DENND6B: variants seen among roughly 807,000 people sequenced by gnomAD.
DENND6B encodes DENN domain containing 6B, also known as protein DENND6B.
Under a neutral mutation model 85.1 loss-of-function variants are expected in DENND6B, and 73 were observed. That is an observed-to-expected ratio of 0.86 (90% CI 0.71 to 1.04). DENND6B has a LOEUF of 1.04. Ranked by LOEUF, DENND6B falls within the 50% of genes least tolerant of loss-of-function variation. The probability of loss-of-function intolerance (pLI) is 0.00; values close to 1 mark genes in which losing one functional copy is unlikely to be tolerated. For synonymous variants in DENND6B, 357 were observed against 329.3 expected (o/e 1.08, Z -0.91); for missense variants, 715 against 785.8 (o/e 0.91, Z 1.08).
At chr22:50,314,777 C>A in intron 10 of DENND6B, 22 bp downstream of exon 10, 3 of 1,592,466 alleles carry the variant, frequency 1.9e-6, no homozygotes, top group Admixed American at 1.8e-5. Flanking sequence ...CTTCCCCAGC[C>A]GGGACCGGGC....
chr22:50,317,373 T>C lies in DENND6B; in HGVS notation c.373A>G (p.Arg125Gly). Residue 125 changes from arginine to glycine, a missense_variant and splice_region_variant, in exon 5 of 20, where the codon AGG becomes GGG. Physicochemically the swap from Arg to Gly is moderately radical, Grantham distance 125. Transcript: ENST00000413817. ...YNSRAPVALQ[R>G]EPAHYFGYVY... The stretch of plus-strand genomic sequence containing the variant: ...TAGCCGAAGTAGTGTGCCGGCTCCC[T>C]CTGCAAGGAGCATGGTGTTAGCCAG... The C allele has an allele frequency of 6.2e-7, 1 of 1,612,724 alleles. No individual in the cohort carries two copies. Among genetic ancestry groups the C allele is most frequent in the Non-Finnish European group, 8.5e-7 (1 of 1,179,610 alleles).
At chr22:50,320,199 C>T (rs903665744) in intron 1 of DENND6B, among the ~76,000 whole-genome samples, 8 of 152,222 alleles carry the variant, frequency 5.3e-5, no homozygotes, top group Non-Finnish European at 1.0e-4. Context: ...AGTGAGGAGC[C>T]GGGCCCTGGA....
intron 9 of DENND6B, chr22:50,315,186 GC>G: frequency 2.0e-6 from 1 of 492,712 alleles, no homozygotes. Flanking sequence ...TCCCGAAGTG[GC>G]CCCAAAGCCG....
chr22:50,325,541 T>C (rs938356888), intron 1 of DENND6B, among the ~76,000 whole-genome samples: 1 of 152,096 alleles, frequency 6.6e-6, no homozygotes, highest in African/African-American at 2.4e-5. Context: ...TTCACCATGT[T>C]GGCCAGGATG....
rs370513147 is a variant in DENND6B at position 50,314,614 on chromosome 22, G to C, written c.968C>G (p.Thr323Arg). ...CAGAGGCGGCACTTACGGGGCCTGC[G>C]TGCGTGTGGTGAACTCCTTGAACTC... ...DSEFKEFTTR[T>R]QAPPNVVLGV... Residue 323 changes from threonine (T) to arginine (R), a missense_variant, in exon 11 of 20, where the codon ACG becomes AGG. Physicochemically the swap from Thr to Arg is moderately conservative, Grantham distance 71. Coordinates refer to ENST00000413817, the MANE Select transcript of DENND6B (RefSeq NM_001001794.4). The C allele has an allele frequency of 2.6e-6, 4 of 1,562,502 alleles. No individual in the cohort carries two copies. Among genetic ancestry groups the C allele is most frequent in the Middle Eastern group, 1.7e-4 (1 of 6,026 alleles).
At chr22:50,324,560 G>A (rs1405363508) in intron 1 of DENND6B, among the ~76,000 whole-genome samples, 2 of 152,218 alleles carry the variant, frequency 1.3e-5, no homozygotes, top group Non-Finnish European at 1.5e-5. Context: ...GAGTAGCTGG[G>A]ATTACAGGCG....
At chr22:50,317,133 T>TG (rs1231394602) in intron 5 of DENND6B, 160 bp downstream of exon 5, 73 of 352,622 alleles carry the variant, frequency 2.1e-4, no homozygotes, top group Admixed American at 1.4e-3. Context: ...GAGGACAGGG[T>TG]GGGGGGGCGG....
rs1373856199 is a variant in DENND6B at position 50,312,173 on chromosome 22, G to A, written c.1724C>T (p.Pro575Leu). 1 of 1,612,502 alleles carries A rather than the reference G, an allele frequency of 6.2e-7. No homozygotes were observed. Among genetic ancestry groups the A allele is most frequent in the East Asian group, 2.2e-5 (1 of 44,874 alleles). The change falls in exon 20 of 20, where the codon CCC becomes CTC. Residue 575 changes from proline to leucine, a missense_variant. Physicochemically the swap from Pro to Leu is moderately conservative, Grantham distance 98. Coordinates refer to ENST00000413817, the MANE Select transcript of DENND6B (RefSeq NM_001001794.4). ...LYIETVIGSL[P>L]KDLQAVLCPP ...GCACAAGACAGCCTGCAGGTCTTTG[G>A]GCAGGGAGCCGATGACCGTCTCGAT...
intron 1 of DENND6B, among the ~76,000 whole-genome samples, chr22:50,320,626 A>G (rs538099214): frequency 1.6e-4 from 25 of 152,286 alleles, no homozygotes; most frequent in Admixed American, 1.6e-3. Flanking sequence ...AGTGGTCAGG[A>G]GGAGGACGAG....
chr22:50,321,441 A>G (rs2042040274), intron 1 of DENND6B, among the ~76,000 whole-genome samples: 1 of 151,444 alleles, frequency 6.6e-6, no homozygotes. Context: ...GCTCACTGCA[A>G]ACGCCATCTC....
chr22:50,318,803 C>T (rs775476250), intron 3 of DENND6B, 44 bp downstream of exon 3: 1 of 1,608,822 alleles, frequency 6.2e-7, no homozygotes, highest in East Asian at 2.2e-5. Flanking sequence ...CAGGGATGCC[C>T]AGCTGGCTTC....
At chr22:50,319,544 G>A in intron 1 of DENND6B, 5 of 981,988 alleles carry the variant, frequency 5.1e-6, no homozygotes, top group Non-Finnish European at 6.0e-6. Flanking sequence ...CCTCACCCGG[G>A]ATGGTCACGG....
chr22:50,322,902 G>C lies in DENND6B; in HGVS notation c.178-3899C>G, dbSNP rs575987517. Among the ~76,000 whole-genome samples the C allele has an allele frequency of 3.3e-5, 5 of 151,032 alleles. No homozygotes were observed. In the East Asian group the frequency reaches 9.7e-4, roughly 29 times the overall value. The stretch of plus-strand genomic sequence containing the variant: ...GTCTTGCCCTGTTGCTCAGGCTGGA[G>C]TGCAGTGGCACAATCTTGGCTCACT... On this transcript the variant is annotated intron_variant, in intron 1 of 19. Transcript: ENST00000413817.
chr22:50,319,568 C>G, intron 1 of DENND6B: 1 of 958,738 alleles, frequency 1.0e-6, no homozygotes, highest in Non-Finnish European at 1.2e-6. Flanking sequence ...TCCACCTGGC[C>G]GGCCCTCCAT....
At chr22:50,318,638 C>T (rs1027145728) in intron 3 of DENND6B, among the ~76,000 whole-genome samples, 3 of 152,134 alleles carry the variant, frequency 2.0e-5, no homozygotes, top group Non-Finnish European at 4.4e-5. Flanking sequence ...CAAAGAGACA[C>T]CCTTTCTACG....
intron 9 of DENND6B, 109 bp downstream of exon 9, chr22:50,315,603 CAG>C: frequency 7.7e-7 from 1 of 1,296,530 alleles, no homozygotes; most frequent in African/African-American, 1.5e-5. Context: ...TGCACTCACG[CAG>C]ACACACACGC....
chr22:50,317,450 A>G, intron 4 of DENND6B, 77 bp from the exon 5 acceptor site: 1 of 1,521,558 alleles, frequency 6.6e-7, no homozygotes, highest in East Asian at 2.3e-5. Flanking sequence ...AGTGGCAAGG[A>G]GCATGCAGGG....
chr22:50,319,497 G>A (rs1348922527), intron 1 of DENND6B: 2 of 977,950 alleles, frequency 2.0e-6, no homozygotes, highest in Non-Finnish European at 2.4e-6. Flanking sequence ...TCTGTTCACA[G>A]CATCAGAAGG....
intron 13 of DENND6B, 51 bp downstream of exon 13, chr22:50,314,156 A>C (rs910514619): frequency 1.3e-6 from 2 of 1,559,278 alleles, no homozygotes; most frequent in Non-Finnish European, 1.7e-6. Flanking sequence ...CGCCAGGTAC[A>C]AGACAGGCCT....
Sources: gnomAD v4.1 joint callset for allele counts (sites outside exome capture counted in the v4.1 genomes callset) on GRCh38, gnomAD v4.1.1 for gene constraint, MANE v1.5 for transcripts, NCBI Gene and HGNC (gene_info 2026-07-23, HGNC 2026-07-21) for gene names.